The following MACROD2 variants were observed in gnomAD, a reference collection of about 807,000 sequenced individuals.
The protein encoded by MACROD2 is mono-ADP ribosylhydrolase 2, also known as ADP-ribose glycohydrolase MACROD2.
MACROD2 carries 36 observed loss-of-function variants against 70.4 expected under a neutral mutation model. That is an observed-to-expected ratio of 0.51 (90% CI 0.39 to 0.68). The LOEUF is 0.68. Ranked by LOEUF, MACROD2 falls within the 30% of genes least tolerant of loss-of-function variation. MACROD2 has a pLI of 0.00. For synonymous variants in MACROD2, 172 were observed against 178.8 expected (o/e 0.96, Z 0.30); for missense variants, 496 against 538.4 (o/e 0.92, Z 0.78).
intron 9 of MACROD2, among the ~76,000 whole-genome samples, chr20:15,880,079 G>T (rs530511721): frequency 2.0e-5 from 3 of 152,156 alleles, no homozygotes; most frequent in East Asian, 1.9e-4. Flanking sequence ...AGGGCAGTCT[G>T]CTCCGTACCC....
chr20:15,592,235 A>G (rs1023322072), intron 8 of MACROD2, among the ~76,000 whole-genome samples: 3 of 152,272 alleles, frequency 2.0e-5, no homozygotes, highest in East Asian at 3.8e-4. Context: ...ATACATGTCA[A>G]GTATTTCGAT....
intron 3 of MACROD2, among the ~76,000 whole-genome samples, chr20:14,202,212 T>C (rs1601342799): frequency 6.6e-6 from 1 of 152,312 alleles, no homozygotes; most frequent in East Asian, 1.9e-4. Flanking sequence ...ATAAGGCTTT[T>C]TCTTTTCTTC....
intron 7 of MACROD2, among the ~76,000 whole-genome samples, chr20:15,440,292 C>T (rs1231065001): frequency 1.3e-5 from 2 of 152,120 alleles, no homozygotes; most frequent in African/African-American, 4.8e-5. Context: ...GAGTTATTGG[C>T]TGTAAATGTG....
chr20:14,117,637 TG>T (rs1289845228), intron 3 of MACROD2, among the ~76,000 whole-genome samples: 2 of 152,204 alleles, frequency 1.3e-5, no homozygotes, highest in Non-Finnish European at 2.9e-5. Flanking sequence ...AGGAATGGTA[TG>T]TGTAGGCTAA....
intron 7 of MACROD2, among the ~76,000 whole-genome samples, chr20:15,444,379 G>A (rs975707434): frequency 3.9e-5 from 6 of 152,042 alleles, no homozygotes; most frequent in Non-Finnish European, 7.4e-5. Context: ...TAATTACATC[G>A]CTAAATATAC....
At chr20:14,166,082 A>G (rs998138594) in intron 3 of MACROD2, among the ~76,000 whole-genome samples, 3 of 152,224 alleles carry the variant, frequency 2.0e-5, no homozygotes, top group African/African-American at 4.8e-5. Flanking sequence ...TAATGTATCA[A>G]TAGTGAATGA....
At chr20:14,492,654 C>G (rs777272083) in intron 3 of MACROD2, among the ~76,000 whole-genome samples, 61 of 152,184 alleles carry the variant, frequency 4.0e-4, no homozygotes, top group Admixed American at 7.2e-4. Flanking sequence ...TACCTACTTT[C>G]CCTGTAATAC....
At chr20:15,818,417 A>G (rs1327877968) in intron 8 of MACROD2, among the ~76,000 whole-genome samples, 1 of 152,152 alleles carries the variant, frequency 6.6e-6, no homozygotes, top group Non-Finnish European at 1.5e-5. Context: ...AGAAGTTGCC[A>G]TGGCATTTGT....
chr20:14,184,561 G>A (rs947347364), intron 3 of MACROD2, among the ~76,000 whole-genome samples: 20 of 149,764 alleles, frequency 1.3e-4, no homozygotes, highest in African/African-American at 4.4e-4. Context: ...TTCTAGTTCT[G>A]TGAAGAATGT....
At chr20:14,564,871 A>G (rs753981021) in intron 4 of MACROD2, among the ~76,000 whole-genome samples, 11 of 151,962 alleles carry the variant, frequency 7.2e-5, no homozygotes, top group Non-Finnish European at 1.3e-4. Context: ...TTATATCAAA[A>G]AGACCCCTGT....
At chr20:15,835,740 T>A (rs138661237) in intron 8 of MACROD2, among the ~76,000 whole-genome samples, 1 of 152,308 alleles carries the variant, frequency 6.6e-6, no homozygotes, top group African/African-American at 2.4e-5. Flanking sequence ...CCAAAGTCAA[T>A]CAACTCGTAT....
intron 10 of MACROD2, among the ~76,000 whole-genome samples, chr20:15,925,306 A>G (rs528320386): frequency 6.6e-6 from 1 of 152,342 alleles, no homozygotes; most frequent in South Asian, 2.1e-4. Flanking sequence ...GTCATTCCTT[A>G]ATAGTTATTG....
intron 6 of MACROD2, among the ~76,000 whole-genome samples, chr20:15,421,082 C>T (rs143794738): frequency 2.4e-4 from 36 of 152,084 alleles, no homozygotes; most frequent in African/African-American, 7.7e-4. Context: ...TGCCGTCCTT[C>T]CTCTAAAAAA....
chr20:15,082,293 G>A (rs1043301026), intron 5 of MACROD2, among the ~76,000 whole-genome samples: 11 of 152,128 alleles, frequency 7.2e-5, no homozygotes, highest in African/African-American at 2.4e-4. Flanking sequence ...GAAGCCATTG[G>A]AGATCATTAA....
chr20:14,229,319 A>G (rs1174156520), intron 3 of MACROD2, among the ~76,000 whole-genome samples: 1 of 152,216 alleles, frequency 6.6e-6, no homozygotes, highest in Non-Finnish European at 1.5e-5. Context: ...TTGTAAATAT[A>G]TATCCATCTG....
At chr20:15,912,483 TA>T (rs1303538240) in intron 10 of MACROD2, among the ~76,000 whole-genome samples, 13 of 152,374 alleles carry the variant, frequency 8.5e-5, no homozygotes, top group African/African-American at 2.9e-4. Flanking sequence ...TTTATAGGTT[TA>T]AAACCTGATT....
intron 5 of MACROD2, among the ~76,000 whole-genome samples, chr20:14,972,662 G>A (rs1470560882): frequency 1.3e-5 from 2 of 152,164 alleles, no homozygotes; most frequent in African/African-American, 4.8e-5. Flanking sequence ...AGAATATTTT[G>A]TTGAAATAAT....
At chr20:15,508,296 G>A (rs1422935117) in intron 8 of MACROD2, among the ~76,000 whole-genome samples, 1 of 151,828 alleles carries the variant, frequency 6.6e-6, no homozygotes, top group Admixed American at 6.6e-5. Flanking sequence ...ATACTCTGCT[G>A]GGGGTGAGTG....
chr20:14,845,579 A>G (rs1310185559), intron 5 of MACROD2, among the ~76,000 whole-genome samples: 1 of 152,046 alleles, frequency 6.6e-6, no homozygotes, highest in South Asian at 2.1e-4. Flanking sequence ...AGCAAACCCA[A>G]TTACTCTCCC....
Sources: allele counts gnomAD v4.1 joint callset (sites outside exome capture counted in the v4.1 genomes callset), GRCh38; gene constraint gnomAD v4.1.1; transcripts MANE v1.5; gene names NCBI Gene and HGNC (gene_info 2026-07-23, HGNC 2026-07-21).